Variants in RC3H2 observed in about 807,000 individuals in gnomAD.
The protein encoded by RC3H2 is roquin-2.
RC3H2 carries 31 observed loss-of-function variants against 133.3 expected under a neutral mutation model. The observed-to-expected ratio is 0.23, with a 90% confidence interval of 0.17 to 0.31. The LOEUF is 0.31. Among genes scored for constraint, RC3H2 ranks in the 10% least tolerant of loss-of-function variants. The probability of loss-of-function intolerance (pLI) is 1.00; values close to 1 mark genes in which losing one functional copy is unlikely to be tolerated. For synonymous variants in RC3H2, 517 were observed against 502.2 expected (o/e 1.03, Z -0.40); for missense variants, 1,175 against 1,437.2 (o/e 0.82, Z 2.95).
chr9:122,855,612 G>A lies in RC3H2; in HGVS notation c.2601+120C>T, dbSNP rs893725511. 8 of 1,148,588 alleles carry A rather than the reference G, an allele frequency of 7.0e-6. No individual in the cohort carries two copies. In the African/African-American group the frequency reaches 1.2e-4, roughly 18 times the overall value. 71.1% of individuals were successfully genotyped at this position (1,148,588 alleles called of 1,614,324 possible). On this transcript the variant is annotated intron_variant, in intron 14 of 20. Coordinates refer to ENST00000357244, the MANE Select transcript of RC3H2 (RefSeq NM_001100588.3). ...TTCAGACTTACCTAAATATAACCCT[G>A]CTGCTACTGAGTTATAAGGCAACAA...
chr9:122,865,631 T>C lies in RC3H2; in HGVS notation c.1352A>G (p.Asn451Ser), dbSNP rs138970845. Reference sequence around the variant, plus strand: ...AAGAGGAAACGTTCTTACAGTGGCATTGATCTTTTTGTTCCTTAATCGATA... The same window carrying C: ...AAGAGGAAACGTTCTTACAGTGGCACTGATCTTTTTGTTCCTTAATCGATA... ...EKYRLRNKKI[N>S]ATVRTFPLLN... Residue 451 changes from asparagine to serine, a missense_variant, in exon 10 of 21, where the codon AAT becomes AGT. Asn to Ser is a conservative substitution (Grantham distance 46). This residue lies in a region of RC3H2 where 490 missense variants were observed against 492.8 expected (regional missense o/e 0.99). Coordinates refer to ENST00000357244, the MANE Select transcript of RC3H2 (RefSeq NM_001100588.3). The C allele has an allele frequency of 6.2e-4, 996 of 1,612,598 alleles. 2 individuals carry two copies. Among genetic ancestry groups the C allele is most frequent in the Admixed American group, 9.3e-4 (56 of 60,012 alleles).
intron 9 of RC3H2, chr9:122,875,183 T>C (rs768341711): frequency 6.4e-7 from 1 of 1,550,972 alleles, no homozygotes; most frequent in Non-Finnish European, 8.7e-7. Context: ...TTAATCCTCT[T>C]CTCTAGGCAC....
At chr9:122,886,136 C>T (rs956320346) in intron 4 of RC3H2, among the ~76,000 whole-genome samples, 2 of 152,086 alleles carry the variant, frequency 1.3e-5, no homozygotes, top group Admixed American at 1.3e-4. Context: ...GTTATCCACC[C>T]GCCTCGGCCT....
At chr9:122,901,694 C>T (rs548433487) in intron 1 of RC3H2, among the ~76,000 whole-genome samples, 19 of 149,658 alleles carry the variant, frequency 1.3e-4, no homozygotes, top group African/African-American at 3.9e-4. Context: ...CGGTTTCATA[C>T]GATTCTCCTG....
intron 3 of RC3H2, among the ~76,000 whole-genome samples, chr9:122,892,536 G>A (rs936380860): frequency 4.6e-5 from 7 of 151,788 alleles, no homozygotes; most frequent in African/African-American, 1.7e-4. Flanking sequence ...CTCAGCCTCC[G>A]GAATAGCTGG....
chr9:122,900,675 G>T (rs1189400348), intron 1 of RC3H2, among the ~76,000 whole-genome samples: 2 of 152,078 alleles, frequency 1.3e-5, no homozygotes, highest in African/African-American at 4.8e-5. Flanking sequence ...AGTCTAAATT[G>T]CTATGAATAT....
Position 122,860,098 on chromosome 9 carries a change from A to G in RC3H2, c.1668T>C (p.Ser556=). 1 of 1,614,162 alleles carries G rather than the reference A, an allele frequency of 6.2e-7. No individual in the cohort carries two copies. The highest frequency in any genetic ancestry group is 8.5e-7 in the Non-Finnish European group (1 of 1,180,020). Residue 556 remains serine, a synonymous_variant, in exon 11 of 21, where the codon AGT becomes AGC. Transcript: ENST00000357244. ...KIGSPPKTPV[S]NVAATSAGPS... ...GCCCAGCTGAGGTAGCTGCTACATT[A>G]CTTACAGGAGTCTTGGGTGGAGAAC...
chr9:122,854,426 GACA>G (rs35675000), intron 16 of RC3H2, 102 bp downstream of exon 16: 2 of 1,182,486 alleles, frequency 1.7e-6, no homozygotes, highest in East Asian at 2.4e-5. Flanking sequence ...ATATAGCTCA[GACA>G]ACAAGCAAAG....
intron 1 of RC3H2, 104 bp downstream of exon 1, chr9:122,905,006 G>C (rs1458110702): frequency 4.8e-6 from 4 of 826,226 alleles, no homozygotes; most frequent in East Asian, 2.5e-4. Context: ...CACCAGGGGC[G>C]ACAGCGCACA....
chr9:122,858,176 T>G (rs1283095842), intron 12 of RC3H2, 83 bp from the exon 13 acceptor site: 23 of 1,285,902 alleles, frequency 1.8e-5, no homozygotes, highest in African/African-American at 7.4e-5. Context: ...GTAAACAGTT[T>G]ATGATATTGT....
intron 10 of RC3H2, among the ~76,000 whole-genome samples, chr9:122,861,587 A>G (rs1183495582): frequency 1.3e-5 from 2 of 151,842 alleles, no homozygotes; most frequent in East Asian, 1.9e-4. Flanking sequence ...TGCTGATTGT[A>G]TTTGCTTGTT....
chr9:122,878,562 G>A lies in RC3H2; in HGVS notation c.1213-979C>T, dbSNP rs143715355. The stretch of plus-strand genomic sequence containing the variant: ...TGGGATTATAGACATGAGCCACCGC[G>A]CCCAGCCCCCTGACAGCACAATCTT... On this transcript the variant is annotated intron_variant, in intron 8 of 20. Coordinates refer to ENST00000357244, the MANE Select transcript of RC3H2 (RefSeq NM_001100588.3). 6.1e-4 allele frequency among the ~76,000 whole-genome samples: 93 copies of A among 151,888 alleles called. 1 individual carries two copies. In the East Asian group the frequency reaches 0.016, roughly 26 times the overall value.
At chr9:122,892,464 T>C (rs1450242608) in intron 3 of RC3H2, among the ~76,000 whole-genome samples, 2 of 151,930 alleles carry the variant, frequency 1.3e-5, no homozygotes, top group African/African-American at 2.4e-5. Flanking sequence ...CAGGCTGGAG[T>C]GCAGTGGCAC....
intron 1 of RC3H2, among the ~76,000 whole-genome samples, chr9:122,903,256 T>C (rs1443934460): frequency 2.6e-5 from 4 of 152,230 alleles, no homozygotes; most frequent in African/African-American, 9.6e-5. Flanking sequence ...AATTTTCAGC[T>C]AGCTTTATTT....
intron 5 of RC3H2, among the ~76,000 whole-genome samples, chr9:122,881,362 C>G (rs912975363): frequency 2.7e-5 from 4 of 149,366 alleles, no homozygotes; most frequent in African/African-American, 9.8e-5. Flanking sequence ...TGGTGGCAGG[C>G]GCCTGTACTC....
intron 5 of RC3H2, 121 bp from the exon 6 acceptor site, chr9:122,880,915 G>A: frequency 2.9e-6 from 2 of 688,716 alleles, no homozygotes; most frequent in South Asian, 1.8e-5. Context: ...CAGAAATAAG[G>A]TACAAAGATA....
At position 122,868,147 on chromosome 9, in the gene RC3H2, G is replaced by A. The variant is rs1165486371; in HGVS notation, c.1326-2490C>T. 3.4e-5 allele frequency among the ~76,000 whole-genome samples: 5 copies of A among 149,002 alleles called. 1 individual carries two copies. Among genetic ancestry groups the A allele is most frequent in the African/African-American group, 9.8e-5 (4 of 40,632 alleles). On this transcript the variant is annotated intron_variant, in intron 9 of 20. Coordinates refer to ENST00000357244, the MANE Select transcript of RC3H2 (RefSeq NM_001100588.3). ...GTGTCAGCCCCCCGCCCGGCCAGCCGCCCTGTCGGGGATGTGAGGGGCGCC... is the reference window on the plus strand; with the variant it reads ...GTGTCAGCCCCCCGCCCGGCCAGCCACCCTGTCGGGGATGTGAGGGGCGCC...
chr9:122,848,876 T>A lies in RC3H2; in HGVS notation c.*751A>T, dbSNP rs1829923173. 6.6e-6 allele frequency: 1 copy of A among 152,152 alleles called. No individual in the cohort carries two copies. Among genetic ancestry groups the A allele is most frequent in the South Asian group, 2.1e-4 (1 of 4,838 alleles). 9.4% of individuals were successfully genotyped at this position (152,152 alleles called of 1,614,324 possible). A position where few individuals can be genotyped will look rare whatever the true frequency, so the allele number is the denominator to read the frequency against. ...TTAGGAGAATTTAATATCTAGTACA[T>A]CAGCTGAAAGACTTAGGCACTTGGT... On this transcript the variant is annotated 3_prime_UTR_variant, in exon 21 of 21. Coordinates refer to ENST00000357244, the MANE Select transcript of RC3H2 (RefSeq NM_001100588.3).
At chr9:122,875,192 A>C (rs2596699) in intron 9 of RC3H2, 1 of 1,551,086 alleles carries the variant, frequency 6.4e-7, no homozygotes. Context: ...TTCTCTAGGC[A>C]CTTCAAGTGG....
Sources: gnomAD v4.1 joint callset for allele counts (sites outside exome capture counted in the v4.1 genomes callset) on GRCh38, gnomAD v4.1.1 for gene constraint, gnomAD v4.1.1 regional missense constraint, MANE v1.5 for transcripts, NCBI Gene and HGNC (gene_info 2026-07-23, HGNC 2026-07-21) for gene names.